The following NREP variants were observed in gnomAD, a reference collection of about 807,000 sequenced individuals.
NREP encodes the protein neuronal regeneration-related protein.
In NREP, 5 loss-of-function variants were observed where a neutral mutation model predicts 8.6. The observed-to-expected ratio is 0.58, with a 90% CI of 0.30 to 1.22. The LOEUF (loss-of-function observed/expected upper bound fraction) is 1.22. Among genes scored for constraint, NREP ranks in the 50% most tolerant of loss-of-function variants. The probability of loss-of-function intolerance (pLI) is 0.07; values close to 1 mark genes in which losing one functional copy is unlikely to be tolerated. For missense variants in NREP, 86 were observed against 82.5 expected (o/e 1.04, Z -0.17); for synonymous variants, 27 against 28.0 (o/e 0.96, Z 0.11).
chr5:111,971,258 A>G (rs1756810237), intron 2 of NREP, among the ~76,000 whole-genome samples: 1 of 152,214 alleles, frequency 6.6e-6, no homozygotes, highest in Non-Finnish European at 1.5e-5. Context: ...ATGTCTCCCC[A>G]TCCATATACC....
chr5:111,891,997 G>A, intron 2 of NREP, among the ~76,000 whole-genome samples: 1 of 152,294 alleles, frequency 6.6e-6, no homozygotes. Context: ...GAATGTAGAA[G>A]TAGAGGAGTG....
chr5:111,935,440 T>C (rs1227067328), intron 2 of NREP, among the ~76,000 whole-genome samples: 6 of 152,026 alleles, frequency 3.9e-5, no homozygotes, highest in Non-Finnish European at 7.4e-5. Flanking sequence ...GGGGAGGATG[T>C]ACCCCTGCAG....
In NREP at chr5:111,856,275, G is replaced by T. The variant is rs1289568442; in HGVS notation, c.135+118999C>A. On this transcript the variant is annotated intron_variant, in intron 2 of 3. Transcript: ENST00000395634. ...AGAATAATTACTGATGCCTAGAAAG[G>T]TTAATGGACTTGCTTAAGGTCATAC... Among the ~76,000 whole-genome samples the T allele has an allele frequency of 4.7e-4, 71 of 152,160 alleles. 1 individual carries two copies. The highest frequency in any genetic ancestry group is 4.6e-3 in the Admixed American group (71 of 15,270).
intron 2 of NREP, among the ~76,000 whole-genome samples, chr5:111,768,891 C>T (rs1039242251): frequency 2.0e-5 from 3 of 152,184 alleles, no homozygotes; most frequent in Non-Finnish European, 4.4e-5. Flanking sequence ...AATGGGAATG[C>T]TGGGTTGAAT....
chr5:111,959,393 A>T (rs115031227), intron 2 of NREP, among the ~76,000 whole-genome samples: 492 of 152,066 alleles, frequency 3.2e-3, no homozygotes, highest in African/African-American at 0.011. Context: ...CTGGGTGATT[A>T]CACTTTCTGA....
intron 2 of NREP, among the ~76,000 whole-genome samples, chr5:111,789,185 ATG>A (rs745340480): frequency 6.6e-6 from 1 of 151,992 alleles, no homozygotes. Context: ...CTGTGTATGC[ATG>A]TGTGTGTGTG....
At chr5:111,850,975 G>A (rs920504975) in intron 2 of NREP, among the ~76,000 whole-genome samples, 1 of 152,164 alleles carries the variant, frequency 6.6e-6, no homozygotes, top group Non-Finnish European at 1.5e-5. Flanking sequence ...GTAAGAAATA[G>A]AGATAGTAAG....
chr5:111,900,302 A>G (rs1754615883), intron 2 of NREP, among the ~76,000 whole-genome samples: 1 of 152,004 alleles, frequency 6.6e-6, no homozygotes, highest in Non-Finnish European at 1.5e-5. Flanking sequence ...GAGAGATGAT[A>G]GCAATAAATG....
chr5:111,872,922 G>A (rs1290225938), intron 2 of NREP, among the ~76,000 whole-genome samples: 1 of 152,106 alleles, frequency 6.6e-6, no homozygotes, highest in African/African-American at 2.4e-5. Context: ...AAATGGCTTT[G>A]GATTTTCACA....
chr5:111,914,942 G>T (rs1048120223), intron 2 of NREP, among the ~76,000 whole-genome samples: 2 of 151,966 alleles, frequency 1.3e-5, no homozygotes, highest in African/African-American at 4.8e-5. Flanking sequence ...CTTTTTTATT[G>T]ATTAGTCTCT....
chr5:111,933,643 C>T (rs1755603776), intron 2 of NREP, among the ~76,000 whole-genome samples: 1 of 152,042 alleles, frequency 6.6e-6, no homozygotes, highest in African/African-American at 2.4e-5. Context: ...CAGTTTTTCC[C>T]TGATATGAGG....
chr5:111,976,532 A>G (rs1756968925), intron 1 of NREP, among the ~76,000 whole-genome samples: 1 of 152,256 alleles, frequency 6.6e-6, no homozygotes, highest in African/African-American at 2.4e-5. Context: ...AATATTGAAT[A>G]AATGAACGAA....
At chr5:111,829,452 G>T (rs1752710033) in intron 2 of NREP, among the ~76,000 whole-genome samples, 1 of 152,118 alleles carries the variant, frequency 6.6e-6, no homozygotes, top group African/African-American at 2.4e-5. Context: ...ACACCCACCG[G>T]CCCATAAAGA....
rs540844698 is a variant in NREP at position 111,885,442 on chromosome 5, C to A, written c.135+89832G>T. The stretch of plus-strand genomic sequence containing the variant: ...TTCAATGCCATCCCCATCAAGCTAC[C>A]AATGACTTTCTTCACAGAATTGGAA... On this transcript the variant is annotated intron_variant, in intron 2 of 3. Transcript: ENST00000395634. Among the ~76,000 whole-genome samples the A allele has an allele frequency of 7.2e-5, 11 of 151,880 alleles. No individual in the cohort carries two copies. The East Asian group carries it at 1.9e-3, about 27-fold the overall frequency.
intron 2 of NREP, among the ~76,000 whole-genome samples, chr5:111,824,900 A>T (rs1028935997): frequency 1.3e-5 from 2 of 152,244 alleles, no homozygotes; most frequent in Non-Finnish European, 2.9e-5. Flanking sequence ...AGTAAGACAT[A>T]GGTCTTTATG....
At chr5:111,870,994 G>C (rs895712209) in intron 2 of NREP, among the ~76,000 whole-genome samples, 1 of 151,782 alleles carries the variant, frequency 6.6e-6, no homozygotes, top group Non-Finnish European at 1.5e-5. Flanking sequence ...TCTATAGCCT[G>C]AACCCTTAGG....
At chr5:111,887,319 A>C (rs1453465865) in intron 2 of NREP, among the ~76,000 whole-genome samples, 1 of 152,210 alleles carries the variant, frequency 6.6e-6, no homozygotes, top group African/African-American at 2.4e-5. Flanking sequence ...CATTATCCTC[A>C]GTGCACATAT....
At chr5:111,953,270 T>C (rs1261725079) in intron 2 of NREP, among the ~76,000 whole-genome samples, 2 of 152,152 alleles carry the variant, frequency 1.3e-5, no homozygotes, top group East Asian at 3.9e-4. Flanking sequence ...AGATGGGCAG[T>C]GCACAAGCTG....
intron 2 of NREP, among the ~76,000 whole-genome samples, chr5:111,938,364 C>A (rs1755739997): frequency 6.6e-6 from 1 of 152,114 alleles, no homozygotes; most frequent in Non-Finnish European, 1.5e-5. Flanking sequence ...GCCAAAACTA[C>A]CCAGATTTAT....
Sources: gnomAD v4.1 joint callset for allele counts (sites outside exome capture counted in the v4.1 genomes callset) on GRCh38, gnomAD v4.1.1 for gene constraint, MANE v1.5 for transcripts, NCBI Gene and HGNC (gene_info 2026-07-23, HGNC 2026-07-21) for gene names.